The following CPN2 variants were observed in gnomAD, a reference collection of about 807,000 sequenced individuals.
CPN2 encodes the protein carboxypeptidase N subunit 2.
For missense variants in CPN2, 620 were observed against 671.4 expected (o/e 0.92, Z 0.85); for synonymous variants, 336 against 318.4 (o/e 1.06, Z -0.59).
chr3:194,346,255 G>C (rs1713042224), intron 1 of CPN2, among the ~76,000 whole-genome samples: 1 of 152,242 alleles, frequency 6.6e-6, no homozygotes. Flanking sequence ...GACCCGGGGA[G>C]GCAGCCCACG....
intron 1 of CPN2, among the ~76,000 whole-genome samples, chr3:194,343,251 G>C (rs1488775586): frequency 2.0e-5 from 3 of 152,128 alleles, no homozygotes; most frequent in African/African-American, 7.2e-5. Context: ...CCCCAGACCT[G>C]GGGATTCTAC....
rs934017636 is a variant in CPN2 at position 194,339,989 on chromosome 3, C to T, written c.*1076G>A. Reference sequence around the variant, plus strand: ...AGCAGCGGGGGTGGGTGCTTCCAGGCTGTAGGTAAATTTAAACATTTTCTG... The same window carrying T: ...AGCAGCGGGGGTGGGTGCTTCCAGGTTGTAGGTAAATTTAAACATTTTCTG... On this transcript the variant is annotated 3_prime_UTR_variant, in exon 2 of 2. Transcript: ENST00000323830. The T allele has an allele frequency of 3.3e-5, 5 of 152,110 alleles. No homozygotes were observed. Among genetic ancestry groups the T allele is most frequent in the African/African-American group, 1.2e-4 (5 of 41,424 alleles). 9.4% of individuals were successfully genotyped at this position (152,110 alleles called of 1,614,324 possible).
At chr3:194,345,058 T>C (rs1476794815) in intron 1 of CPN2, among the ~76,000 whole-genome samples, 1 of 152,208 alleles carries the variant, frequency 6.6e-6, no homozygotes, top group Admixed American at 6.5e-5. Flanking sequence ...TGGAGGTACA[T>C]GTCTCCACCC....
Position 194,340,936 on chromosome 3 carries a change from C to T in CPN2, c.*129G>A. The T allele has an allele frequency of 7.2e-7, 1 of 1,382,844 alleles. No homozygotes were observed. The highest frequency in any genetic ancestry group is 9.5e-7 in the Non-Finnish European group (1 of 1,052,738). The allele number at this position is 1,382,844 out of a possible 1,614,324, so 85.7% of individuals were successfully genotyped here. On this transcript the variant is annotated 3_prime_UTR_variant, in exon 2 of 2. Transcript: ENST00000323830. ...AGCAGACCAGACTCCACCCCCTCAC[C>T]TTGGGGATGTAACCCTGTCCCTTGC...
intron 1 of CPN2, among the ~76,000 whole-genome samples, chr3:194,347,439 A>C (rs1306073840): frequency 6.6e-6 from 1 of 152,092 alleles, no homozygotes; most frequent in African/African-American, 2.4e-5. Flanking sequence ...CTGCCTCACC[A>C]ACGGGCCTGG....
rs755432877 is a variant in CPN2, at chr3:194,341,506, G to A, written c.1197C>T (p.Cys399=). 27 of 1,614,056 alleles carry A rather than the reference G, an allele frequency of 1.7e-5. No individual in the cohort carries two copies. Among genetic ancestry groups the A allele is most frequent in the East Asian group, 4.5e-5 (2 of 44,892 alleles). The change falls in exon 2 of 2, where the codon TGC becomes TGT. Residue 399 remains cysteine (C), a synonymous_variant. Coordinates refer to ENST00000323830, the MANE Select transcript of CPN2 (RefSeq NM_001080513.4). ...TGAAGAGGTAGGCCAGGTGGCAGTCGCACTGCCAGGGGTTACCGTGCAGGG... is the reference window on the plus strand; with the variant it reads ...TGAAGAGGTAGGCCAGGTGGCAGTCACACTGCCAGGGGTTACCGTGCAGGG... ...NLALHGNPWQ[C]DCHLAYLFNW...
Position 194,341,433 on chromosome 3 carries a change from A to G in CPN2, c.1270T>C (p.Cys424Arg), listed in dbSNP as rs748970649. Residue 424 changes from cysteine (C) to arginine (R), a missense_variant, in exon 2 of 2, where the codon TGC becomes CGC. Physicochemically the swap from Cys to Arg is radical, Grantham distance 180. Coordinates refer to ENST00000323830, the MANE Select transcript of CPN2 (RefSeq NM_001080513.4). The part of the protein sequence containing the change: ...TDRLLNIQTY[C>R]AGPAYLKGQV... Reference sequence around the variant, plus strand: ...CCTTTGAGGTAGGCAGGGCCAGCGCAGTAGGTCTGGATGTTCAGGAGCCGA... The same window carrying G: ...CCTTTGAGGTAGGCAGGGCCAGCGCGGTAGGTCTGGATGTTCAGGAGCCGA... 9.9e-6 allele frequency: 16 copies of G among 1,614,056 alleles called. No individual in the cohort carries two copies. The Admixed American group carries it at 2.2e-4, about 22-fold the overall frequency.
In CPN2 at chr3:194,341,707, G is replaced by A. The variant is rs764763182; in HGVS notation, c.996C>T (p.Ile332=). ...YNAITHLPAG[I]FRDLEELVKL... is the part of the protein sequence containing the mutation. ...TGACCAACTCCTCCAGGTCTCTGAA[G>A]ATGCCAGCTGGGAGGTGGGTAATGG... The change falls in exon 2 of 2, where the codon ATC becomes ATT. Residue 332 remains isoleucine (I), a synonymous_variant. Transcript: ENST00000323830. 1.5e-5 allele frequency: 25 copies of A among 1,614,012 alleles called. 1 individual carries two copies. The Admixed American group carries it at 4.0e-4, about 26-fold the overall frequency.
intron 1 of CPN2, among the ~76,000 whole-genome samples, chr3:194,345,312 G>A (rs529919304): frequency 1.3e-5 from 2 of 152,272 alleles, no homozygotes; most frequent in East Asian, 3.9e-4. Flanking sequence ...GAGAGCAAGA[G>A]GGGAGCAGTT....
Position 194,341,137 on chromosome 3 carries a change from C to T in CPN2, c.1566G>A (p.Glu522=), listed in dbSNP as rs757215207. 2.5e-6 allele frequency: 4 copies of T among 1,613,400 alleles called. No homozygotes were observed. Among genetic ancestry groups the T allele is most frequent in the South Asian group, 2.2e-5 (2 of 91,062 alleles). ...SLGLQYNASQ[E]WDLRSSCGSL... ...AACCGCAGCTCGACCTCAGGTCCCA[C>T]TCCTGACTAGCATTGTACTGCAGTC... Residue 522 remains glutamate, a synonymous_variant, in exon 2 of 2, where the codon GAG becomes GAA. Transcript: ENST00000323830.
At chr3:194,343,906 T>TA (rs934292453) in intron 1 of CPN2, among the ~76,000 whole-genome samples, 10 of 151,930 alleles carry the variant, frequency 6.6e-5, no homozygotes, top group Admixed American at 2.6e-4. Context: ...CACCAAAAAA[T>TA]AAAAAAATAA....
In CPN2 at chr3:194,345,360, T is replaced by G. The variant is rs548083335; in HGVS notation, c.-3-2655A>C. 2.6e-5 allele frequency among the ~76,000 whole-genome samples: 4 copies of G among 152,308 alleles called. No homozygotes were observed. In the East Asian group the frequency reaches 5.8e-4, roughly 22 times the overall value. ...ATTATTTTTTGAGACAGAACTTCAC[T>G]GTGTTATCCAAGCTGGAGTGCAGTG... On this transcript the variant is annotated intron_variant, in intron 1 of 1. Transcript: ENST00000323830.
rs1374343610 is a variant in CPN2 at position 194,342,454 on chromosome 3, A to T, written c.249T>A (p.Thr83=). Residue 83 remains threonine (T), a synonymous_variant, in exon 2 of 2, where the codon ACT becomes ACA. Transcript: ENST00000323830. ...PNLTKVVFLN[T]QLCQFRPDAF... ...CATCCGGCCTAAACTGGCAGAGCTG[A>T]GTGTTGAGGAAGACCACCTTGGTCA... is the stretch of plus-strand genomic sequence containing the variant. 6.2e-7 allele frequency: 1 copy of T among 1,614,176 alleles called. No individual in the cohort carries two copies.
Position 194,342,370 on chromosome 3 carries a change from G to C in CPN2, c.333C>G (p.Asn111Lys), listed in dbSNP as rs781721219. ...DLEVTGSSFL[N>K]LSTNIFSNLT... ...GGTTGGAGAAGATGTTGGTGCTGAG[G>C]TTCAAGAAGCTACTGCCTGTGACCT... Residue 111 changes from asparagine to lysine, a missense_variant, in exon 2 of 2, where the codon AAC becomes AAG. Transcript: ENST00000323830. The C allele has an allele frequency of 1.2e-6, 2 of 1,614,044 alleles. No homozygotes were observed. Among genetic ancestry groups the C allele is most frequent in the South Asian group, 2.2e-5 (2 of 91,086 alleles).
chr3:194,341,491 G>A lies in CPN2; in HGVS notation c.1212C>T (p.Ala404=), dbSNP rs1292992232. 1.2e-6 allele frequency: 2 copies of A among 1,614,102 alleles called. No homozygotes were observed. The highest frequency in any genetic ancestry group is 2.7e-5 in the African/African-American group (2 of 74,938). The stretch of plus-strand genomic sequence containing the variant: ...ACTGCTGCAGCCAGTTGAAGAGGTA[G>A]GCCAGGTGGCAGTCGCACTGCCAGG... ...GNPWQCDCHL[A]YLFNWLQQYT... The change falls in exon 2 of 2, where the codon GCC becomes GCT. Residue 404 remains alanine, a synonymous_variant. Transcript: ENST00000323830.
intron 1 of CPN2, among the ~76,000 whole-genome samples, chr3:194,349,315 C>T (rs149871515): frequency 0.01 from 1,591 of 152,246 alleles, 25 homozygotes; most frequent in African/African-American, 0.037. Flanking sequence ...GAGCCGAGAT[C>T]GCACTATTGC....
chr3:194,342,789 G>A, intron 1 of CPN2, 84 bp from the exon 2 acceptor site: 1 of 670,752 alleles, frequency 1.5e-6, no homozygotes, highest in Non-Finnish European at 2.6e-6. Flanking sequence ...CAGTGACCAG[G>A]GCATAGTGAC....
Position 194,342,684 on chromosome 3 carries a change from G to T in CPN2, c.19C>A (p.Leu7Met). 6.6e-7 allele frequency: 1 copy of T among 1,508,912 alleles called. No homozygotes were observed. The highest frequency in any genetic ancestry group is 9.1e-7 in the Non-Finnish European group (1 of 1,098,002). 93.5% of individuals were successfully genotyped at this position (1,508,912 alleles called of 1,614,324 possible). A position where few individuals can be genotyped will look rare whatever the true frequency, so the allele number is the denominator to read the frequency against. Residue 7 changes from leucine (L) to methionine (M), a missense_variant, in exon 2 of 2, where the codon CTG becomes ATG. Leu to Met is a conservative substitution (Grantham distance 15, BLOSUM62 2). Transcript: ENST00000323830. MLPGAW[L>M]LWTSLLLLAR... ...AGGAGCAGGAGGGAGGTCCAGAGCA[G>T]CCAGGCTCCAGGGAGCATCTTCTAG...
chr3:194,349,442 T>TATAAAA (rs1713174397), intron 1 of CPN2, among the ~76,000 whole-genome samples: 1 of 152,258 alleles, frequency 6.6e-6, no homozygotes, highest in Non-Finnish European at 1.5e-5. Context: ...CTTAAAAATA[T>TATAAAA]ATGTTCCACA....
Sources: gnomAD v4.1 joint callset for allele counts (sites outside exome capture counted in the v4.1 genomes callset) on GRCh38, gnomAD v4.1.1 for gene constraint, MANE v1.5 for transcripts, NCBI Gene and HGNC (gene_info 2026-07-23, HGNC 2026-07-21) for gene names.